The following ZNF451 variants were observed in gnomAD, a reference collection of about 807,000 sequenced individuals.
ZNF451 encodes E3 SUMO-protein ligase ZNF451.
In ZNF451, 80 loss-of-function variants were observed where a neutral mutation model predicts 107.1. The observed-to-expected ratio is 0.75, with a 90% CI of 0.62 to 0.90. ZNF451 has a LOEUF of 0.90. Among genes scored for constraint, ZNF451 ranks in the 40% least tolerant of loss-of-function variants. The pLI, the probability that ZNF451 is intolerant of heterozygous loss-of-function variation, is 0.00. For missense variants in ZNF451, 1,107 were observed against 1,236.2 expected (o/e 0.90, Z 1.57); for synonymous variants, 362 against 406.5 (o/e 0.89, Z 1.32).
At chr6:57,126,148 A>G (rs1228187698) in intron 4 of ZNF451, among the ~76,000 whole-genome samples, 1 of 152,204 alleles carries the variant, frequency 6.6e-6, no homozygotes, top group Admixed American at 6.5e-5. Flanking sequence ...GGGTAGTTTC[A>G]GCCTCCACCC....
chr6:57,167,640 G>T (rs550486588), intron 14 of ZNF451, among the ~76,000 whole-genome samples: 1 of 152,286 alleles, frequency 6.6e-6, no homozygotes, highest in East Asian at 1.9e-4. Context: ...CTGTAGCCAA[G>T]TAGCCTCTGA....
chr6:57,128,508 G>T (rs1278594922), intron 4 of ZNF451, among the ~76,000 whole-genome samples: 1 of 152,134 alleles, frequency 6.6e-6, no homozygotes, highest in African/African-American at 2.4e-5. Flanking sequence ...ATACCCTGTT[G>T]TTAGGGGTGT....
At chr6:57,096,182 T>TG (rs1829301429) in intron 2 of ZNF451, among the ~76,000 whole-genome samples, 1 of 132,832 alleles carries the variant, frequency 7.5e-6, no homozygotes, top group Non-Finnish European at 1.6e-5. Flanking sequence ...TTCTGTTTTT[T>TG]TTTTTTTTTT....
chr6:57,097,338 T>C lies in ZNF451; in HGVS notation c.106-1723T>C, dbSNP rs557230991. Reference sequence around the variant, plus strand: ...GAAAGAAGCTATCTTTGAGACTGGATGCCTATTCTAGGGAAGATCATTACC... The same window carrying C: ...GAAAGAAGCTATCTTTGAGACTGGACGCCTATTCTAGGGAAGATCATTACC... On this transcript the variant is annotated intron_variant, in intron 2 of 14. Transcript: ENST00000370706. Among the ~76,000 whole-genome samples the C allele has an allele frequency of 1.6e-4, 24 of 152,322 alleles. No individual in the cohort carries two copies. The South Asian group carries it at 4.3e-3, about 28-fold the overall frequency.
At position 57,141,383 on chromosome 6, in the gene ZNF451, T is replaced by C. The variant is rs754275488; in HGVS notation, c.784T>C (p.Phe262Leu). The C allele has an allele frequency of 3.7e-6, 6 of 1,613,454 alleles. No homozygotes were observed. The highest frequency in any genetic ancestry group is 5.1e-6 in the Non-Finnish European group (6 of 1,179,736). Residue 262 changes from phenylalanine to leucine, a missense_variant, in exon 8 of 15, where the codon TTT (phenylalanine) becomes CTT (leucine). Physicochemically the swap from Phe to Leu is conservative, Grantham distance 22. Around this residue, in one of 5 missense-constraint regions of ZNF451, gnomAD observed 339 missense variants for 372.8 expected, o/e 0.91. Coordinates refer to ENST00000370706, the MANE Select transcript of ZNF451 (RefSeq NM_001031623.3). The stretch of plus-strand genomic sequence containing the variant: ...TGCATGTCCAAATTGCTTCCTTCTT[T>C]TTAGCAGAAAGGAGGAGTGTTCAAA... ...CFACPNCFLL[F>L]SRKEECSKHM...
chr6:57,150,513 G>T (rs561758183), intron 10 of ZNF451: 1 of 418,996 alleles, frequency 2.4e-6, no homozygotes, highest in Admixed American at 4.3e-5. Context: ...ACCAAAATTG[G>T]TGAAATGTTC....
At chr6:57,098,818 G>A (rs1201953384) in intron 2 of ZNF451, among the ~76,000 whole-genome samples, 1 of 152,082 alleles carries the variant, frequency 6.6e-6, no homozygotes, top group South Asian at 2.1e-4. Context: ...CCAAGTAATT[G>A]ACATGGCCCT....
At chr6:57,118,774 C>T (rs773743187) in intron 3 of ZNF451, among the ~76,000 whole-genome samples, 5 of 152,298 alleles carry the variant, frequency 3.3e-5, no homozygotes, top group African/African-American at 7.2e-5. Flanking sequence ...TAAGCTACTA[C>T]GCTCGACCAC....
chr6:57,125,011 T>G (rs1250346239), intron 4 of ZNF451, 152 bp downstream of exon 4: 4 of 397,270 alleles, frequency 1.0e-5, no homozygotes, highest in Non-Finnish European at 1.7e-5. Context: ...TCATAATAGC[T>G]TTTTACATCT....
chr6:57,109,564 T>G, intron 3 of ZNF451: 2 of 984,078 alleles, frequency 2.0e-6, no homozygotes, highest in Non-Finnish European at 2.4e-6. Flanking sequence ...TTCTATGGTA[T>G]TGGCTATAGA....
chr6:57,138,127 A>G (rs917676508), intron 7 of ZNF451, among the ~76,000 whole-genome samples: 1 of 152,120 alleles, frequency 6.6e-6, no homozygotes, highest in African/African-American at 2.4e-5. Flanking sequence ...GCTAGGTCAT[A>G]TGGTACCTTT....
At chr6:57,153,119 C>A (rs1310968832) in intron 12 of ZNF451, among the ~76,000 whole-genome samples, 1 of 152,110 alleles carries the variant, frequency 6.6e-6, no homozygotes, top group East Asian at 1.9e-4. Context: ...TTGTTGACTG[C>A]AGCTTATGGT....
chr6:57,167,182 T>G (rs9475785), intron 14 of ZNF451, among the ~76,000 whole-genome samples: 2 of 149,838 alleles, frequency 1.3e-5, no homozygotes, highest in African/African-American at 4.9e-5. Flanking sequence ...CGTATATATA[T>G]ACACACACAC....
intron 13 of ZNF451, among the ~76,000 whole-genome samples, chr6:57,159,868 T>C (rs1442934180): frequency 1.3e-5 from 2 of 152,188 alleles, no homozygotes; most frequent in Non-Finnish European, 2.9e-5. Context: ...TTTTAAGTTT[T>C]TAAGTTTGCA....
At chr6:57,101,866 C>G (rs1213223117) in intron 3 of ZNF451, 1 of 1,550,418 alleles carries the variant, frequency 6.4e-7, no homozygotes, top group African/African-American at 1.4e-5. Context: ...TGGTACTTCC[C>G]TTTTTGGACA....
intron 3 of ZNF451, chr6:57,106,408 C>T (rs911118848): frequency 1.4e-6 from 1 of 693,508 alleles, no homozygotes; most frequent in Admixed American, 6.5e-5. Flanking sequence ...CTCCCGGGTT[C>T]AAGCAATTCT....
chr6:57,130,634 A>G (rs1831139567), intron 5 of ZNF451, among the ~76,000 whole-genome samples: 1 of 152,140 alleles, frequency 6.6e-6, no homozygotes, highest in Non-Finnish European at 1.5e-5. Context: ...CGGGCCAGTA[A>G]TATGCCCTTC....
chr6:57,098,419 G>C (rs1321094669), intron 2 of ZNF451, among the ~76,000 whole-genome samples: 4 of 151,894 alleles, frequency 2.6e-5, no homozygotes, highest in Non-Finnish European at 4.4e-5. Flanking sequence ...ACCACCATTA[G>C]TTCTGCATTG....
chr6:57,141,831 A>C, intron 8 of ZNF451, 117 bp from the exon 9 acceptor site: 1 of 913,004 alleles, frequency 1.1e-6, no homozygotes, highest in East Asian at 2.7e-5. Context: ...TTTTATTGCC[A>C]AAATAACTGT....
Sources: allele counts gnomAD v4.1 joint callset (sites outside exome capture counted in the v4.1 genomes callset), GRCh38; gene constraint gnomAD v4.1.1; regional missense constraint gnomAD v4.1.1; transcripts MANE v1.5; gene names NCBI Gene and HGNC (gene_info 2026-07-23, HGNC 2026-07-21).